PDE4B: variants seen among roughly 807,000 people sequenced by gnomAD.
PDE4B encodes the protein phosphodiesterase 4B.
Under a neutral mutation model 82.2 loss-of-function variants are expected in PDE4B, and 20 were observed. The observed-to-expected ratio is 0.24, with a 90% CI of 0.17 to 0.35. The LOEUF (loss-of-function observed/expected upper bound fraction) is 0.35, where lower values mean the gene tolerates loss of function less well. Among genes scored for constraint, PDE4B ranks in the 10% least tolerant of loss-of-function variants. The pLI is 1.00. For missense variants in PDE4B, 655 were observed against 907.2 expected (o/e 0.72, Z 3.57); for synonymous variants, 320 against 318.9 (o/e 1.00, Z -0.04).
intron 3 of PDE4B, among the ~76,000 whole-genome samples, chr1:65,952,607 C>T (rs1649061977): frequency 6.6e-6 from 1 of 151,960 alleles, no homozygotes. Context: ...TGCTTGAACC[C>T]AGAGATGGAG....
intron 3 of PDE4B, among the ~76,000 whole-genome samples, chr1:65,961,722 A>G (rs1031991659): frequency 6.6e-6 from 1 of 152,204 alleles, no homozygotes; most frequent in Non-Finnish European, 1.5e-5. Context: ...TAGTAATGTC[A>G]GAGGGCTTAT....
At chr1:66,301,700 A>T (rs968824179) in intron 7 of PDE4B, among the ~76,000 whole-genome samples, 1 of 152,134 alleles carries the variant, frequency 6.6e-6, no homozygotes, top group Non-Finnish European at 1.5e-5. Flanking sequence ...ACTAAAGTTC[A>T]TTTTAAATAC....
intron 3 of PDE4B, among the ~76,000 whole-genome samples, chr1:66,224,441 G>A (rs538539002): frequency 3.5e-4 from 53 of 152,210 alleles, no homozygotes; most frequent in African/African-American, 1.2e-3. Flanking sequence ...TCAAGCAGCC[G>A]GGCACAGTGG....
At chr1:66,290,039 A>G (rs545830343) in intron 7 of PDE4B, among the ~76,000 whole-genome samples, 2 of 152,324 alleles carry the variant, frequency 1.3e-5, no homozygotes, top group African/African-American at 4.8e-5. Context: ...GAAAATGTTA[A>G]AAGAGGGAAC....
At chr1:66,257,760 T>G in intron 5 of PDE4B, 33 bp from the exon 6 acceptor site, 1 of 1,610,638 alleles carries the variant, frequency 6.2e-7, no homozygotes, top group East Asian at 2.2e-5. Flanking sequence ...TGTCTTCTTT[T>G]GTCCTTAACC....
intron 3 of PDE4B, among the ~76,000 whole-genome samples, chr1:66,079,595 T>C (rs1444231695): frequency 6.6e-6 from 1 of 152,084 alleles, no homozygotes; most frequent in Non-Finnish European, 1.5e-5. Context: ...GATTAGAGAA[T>C]AGAAAGAGTT....
intron 1 of PDE4B, among the ~76,000 whole-genome samples, chr1:65,830,956 T>C (rs1646075399): frequency 6.6e-6 from 1 of 152,072 alleles, no homozygotes; most frequent in African/African-American, 2.4e-5. Context: ...CTAAATTTAC[T>C]CTAAAAATTG....
At chr1:65,895,856 G>A (rs1022588382) in intron 1 of PDE4B, among the ~76,000 whole-genome samples, 3 of 148,380 alleles carry the variant, frequency 2.0e-5, no homozygotes, top group Non-Finnish European at 4.5e-5. Context: ...ACTTAACACA[G>A]TATTAGATTT....
chr1:65,926,924 T>A (rs985090107), intron 3 of PDE4B, among the ~76,000 whole-genome samples: 1 of 152,112 alleles, frequency 6.6e-6, no homozygotes, highest in African/African-American at 2.4e-5. Context: ...GGACTGTTTG[T>A]CAGAAACCAT....
intron 2 of PDE4B, among the ~76,000 whole-genome samples, chr1:65,916,946 A>G (rs541702354): frequency 6.6e-6 from 1 of 152,314 alleles, no homozygotes; most frequent in South Asian, 2.1e-4. Flanking sequence ...AATAAATAGT[A>G]TTTTAAAATT....
At chr1:66,277,490 G>A (rs1655968781) in intron 7 of PDE4B, among the ~76,000 whole-genome samples, 1 of 152,102 alleles carries the variant, frequency 6.6e-6, no homozygotes, top group Non-Finnish European at 1.5e-5. Flanking sequence ...CCACCTTGTG[G>A]GTTCAACCGA....
intron 3 of PDE4B, among the ~76,000 whole-genome samples, chr1:66,014,553 A>G (rs1447322314): frequency 6.6e-6 from 1 of 152,026 alleles, no homozygotes; most frequent in Non-Finnish European, 1.5e-5. Context: ...AGCTCTCCCA[A>G]CACCATTTGT....
intron 3 of PDE4B, among the ~76,000 whole-genome samples, chr1:66,223,715 G>A (rs1651194062): frequency 1.3e-5 from 2 of 151,846 alleles, no homozygotes; most frequent in South Asian, 4.2e-4. Context: ...GCACTGCAGT[G>A]CATAGAGAAA....
chr1:66,188,009 T>C (rs905938729), intron 3 of PDE4B, among the ~76,000 whole-genome samples: 8 of 145,238 alleles, frequency 5.5e-5, no homozygotes, highest in East Asian at 2.5e-4. Flanking sequence ...GCTTTGAATG[T>C]GTCCCAGAGA....
chr1:65,992,805 G>A, intron 3 of PDE4B: 1 of 1,455,670 alleles, frequency 6.9e-7, no homozygotes, highest in Non-Finnish European at 9.0e-7. Flanking sequence ...AATTAAACTG[G>A]AAATAGTTTG....
chr1:66,069,287 T>C (rs1344220377), intron 3 of PDE4B, among the ~76,000 whole-genome samples: 1 of 151,986 alleles, frequency 6.6e-6, no homozygotes, highest in Non-Finnish European at 1.5e-5. Context: ...CATCCTCTGT[T>C]TCTTTTTGTC....
intron 1 of PDE4B, among the ~76,000 whole-genome samples, chr1:65,817,630 T>C (rs994074488): frequency 6.6e-6 from 1 of 152,226 alleles, no homozygotes; most frequent in African/African-American, 2.4e-5. Context: ...TATAGGATTG[T>C]GTATGTATTT....
At chr1:66,162,695 C>A (rs1226480561) in intron 3 of PDE4B, among the ~76,000 whole-genome samples, 2 of 152,200 alleles carry the variant, frequency 1.3e-5, no homozygotes, top group South Asian at 4.1e-4. Context: ...ATGAGCCTTT[C>A]TTTTGTGCAT....
chr1:66,090,744 T>C (rs369996720), intron 3 of PDE4B, among the ~76,000 whole-genome samples: 1 of 151,058 alleles, frequency 6.6e-6, no homozygotes, highest in Non-Finnish European at 1.5e-5. Context: ...TATATATACA[T>C]ATATATGTAT....
Sources: allele counts gnomAD v4.1 joint callset (sites outside exome capture counted in the v4.1 genomes callset), GRCh38; gene constraint gnomAD v4.1.1; transcripts MANE v1.5; gene names NCBI Gene and HGNC (gene_info 2026-07-23, HGNC 2026-07-21).